Variants in KCNG4 observed in about 807,000 individuals in gnomAD.
KCNG4 encodes voltage-gated potassium channel regulatory subunit KCNG4.
In KCNG4, 30 loss-of-function variants were observed where a neutral mutation model predicts 28.2. That is an observed-to-expected ratio of 1.06 (90% CI 0.80 to 1.44). The LOEUF (loss-of-function observed/expected upper bound fraction) is 1.44. KCNG4 is among the 40% of genes most tolerant of loss of function. The pLI, the probability that KCNG4 is intolerant of heterozygous loss-of-function variation, is 0.00. For synonymous variants in KCNG4, 375 were observed against 315.5 expected (o/e 1.19, Z -2.00); for missense variants, 879 against 712.3 (o/e 1.23, Z -2.66).
intron 1 of KCNG4, among the ~76,000 whole-genome samples, chr16:84,237,986 G>T (rs1370026283): frequency 6.6e-6 from 1 of 152,284 alleles, no homozygotes; most frequent in South Asian, 2.1e-4. Context: ...CACTGGCAGG[G>T]ACCGATCCCT....
intron 2 of KCNG4, among the ~76,000 whole-genome samples, chr16:84,228,076 G>T (rs1224437528): frequency 6.6e-6 from 1 of 152,224 alleles, no homozygotes; most frequent in Non-Finnish European, 1.5e-5. Flanking sequence ...TGGAAGTAGT[G>T]GGGGTCCCAC....
At chr16:84,224,546 A>G (rs1335674765) in intron 2 of KCNG4, among the ~76,000 whole-genome samples, 1 of 152,228 alleles carries the variant, frequency 6.6e-6, no homozygotes, top group East Asian at 1.9e-4. Flanking sequence ...AATGCTCTGA[A>G]ATGGAAAAAG....
intron 2 of KCNG4, among the ~76,000 whole-genome samples, chr16:84,225,001 C>A (rs1297534505): frequency 6.6e-6 from 1 of 152,156 alleles, no homozygotes; most frequent in Non-Finnish European, 1.5e-5. Context: ...AGTTGTCTAA[C>A]CTCTGGAGGG....
At position 84,222,248 on chromosome 16, in the gene KCNG4, T is replaced by G. The variant is rs1567623023; in HGVS notation, c.1529A>C (p.Glu510Ala). 1.2e-6 allele frequency: 2 copies of G among 1,614,156 alleles called. No individual in the cohort carries two copies. The highest frequency in any genetic ancestry group is 1.7e-6 in the Non-Finnish European group (2 of 1,180,036). The change falls in exon 3 of 3, where the codon GAG becomes GCG. Residue 510 changes from glutamate to alanine, a missense_variant. By Grantham distance (107) the Glu-to-Ala change is moderately radical. Coordinates refer to ENST00000308251, the MANE Select transcript of KCNG4 (RefSeq NM_172347.3). ...GTGCATGATAGGCAAGGCTGGGCCC[T>G]CCAGGATTAGGTCATTGACATCGTT... The part of the protein sequence containing the change: ...LMNDVNDLIL[E>A]GPALPIMHM
chr16:84,223,222 C>A (rs554347971), intron 2 of KCNG4, among the ~76,000 whole-genome samples: 1 of 152,130 alleles, frequency 6.6e-6, no homozygotes, highest in African/African-American at 2.4e-5. Context: ...CTTCCCTTGC[C>A]GCTAGGTGTG....
Position 84,220,941 on chromosome 16 carries a change from A to G in KCNG4, c.*1276T>C, listed in dbSNP as rs1000464475. ...TTCAAGGCCCACGCCTTCTCAACCC[A>G]ACCCAGCTGTTCAGCTTCATCTCCT... On this transcript the variant is annotated 3_prime_UTR_variant, in exon 3 of 3. Coordinates refer to ENST00000308251, the MANE Select transcript of KCNG4 (RefSeq NM_172347.3). The G allele has an allele frequency of 1.3e-5, 2 of 152,298 alleles. No individual in the cohort carries two copies. Among genetic ancestry groups the G allele is most frequent in the South Asian group, 2.1e-4 (1 of 4,818 alleles). 9.4% of individuals were successfully genotyped at this position (152,298 alleles called of 1,614,324 possible).
chr16:84,237,066 C>T lies in KCNG4; in HGVS notation c.420G>A (p.Ala140=), dbSNP rs771415363. ...AGGCCAGCTCCTCCTGGAAGGACAG[C>T]GCGCACATCTCCTGCAGAAGCACCA... is the stretch of plus-strand genomic sequence containing the variant. ...GKLVLLQEMC[A]LSFQEELAYW... The change falls in exon 2 of 3, where the codon GCG becomes GCA. Residue 140 remains alanine (A), a synonymous_variant. Transcript: ENST00000308251. 13 of 1,613,912 alleles carry T rather than the reference C, an allele frequency of 8.1e-6. No homozygotes were observed. The highest frequency in any genetic ancestry group is 6.7e-5 in the Admixed American group (4 of 59,990).
chr16:84,229,971 C>T (rs980191751), intron 2 of KCNG4, among the ~76,000 whole-genome samples: 14 of 152,154 alleles, frequency 9.2e-5, no homozygotes, highest in African/African-American at 2.4e-4. Flanking sequence ...GAGAAAGGGA[C>T]AGATGAGGAG....
chr16:84,237,208 C>T lies in KCNG4; in HGVS notation c.278G>A (p.Ser93Asn). The change falls in exon 2 of 3, where the codon AGC becomes AAC. Residue 93 changes from serine (S) to asparagine (N), a missense_variant. Physicochemically the swap from Ser to Asn is conservative, Grantham distance 46. Transcript: ENST00000308251. ...SRLSKLRLCR[S>N]YEEIVQLCDD... ...GCAGAGCTGCACGATCTCCTCGTAGCTCCGACAGAGCCTGAGTTTGCTCAG... is the reference window on the plus strand; with the variant it reads ...GCAGAGCTGCACGATCTCCTCGTAGTTCCGACAGAGCCTGAGTTTGCTCAG... 6.2e-7 allele frequency: 1 copy of T among 1,614,170 alleles called. No individual in the cohort carries two copies. Among genetic ancestry groups the T allele is most frequent in the Non-Finnish European group, 8.5e-7 (1 of 1,180,042 alleles).
rs61743891 is a variant in KCNG4 at position 84,222,715 on chromosome 16, C to T, written c.1062G>A (p.Ser354=). The change falls in exon 3 of 3, where the codon TCG becomes TCA. Residue 354 remains serine (S), a synonymous_variant. Coordinates refer to ENST00000308251, the MANE Select transcript of KCNG4 (RefSeq NM_172347.3). ...ILYVMRLARH[S]LGLQTLGLTV... Reference sequence around the variant, plus strand: ...TGAGCCCCAGCGTCTGCAGCCCCAGCGAGTGGCGAGCCAGGCGCATCACGT... The same window carrying T: ...TGAGCCCCAGCGTCTGCAGCCCCAGTGAGTGGCGAGCCAGGCGCATCACGT... 44 of 1,613,050 alleles carry T rather than the reference C, an allele frequency of 2.7e-5. 1 individual carries two copies. The highest frequency in any genetic ancestry group is 9.9e-5 in the South Asian group (9 of 90,980).
chr16:84,239,494 C>G (rs915403611), intron 1 of KCNG4, among the ~76,000 whole-genome samples, 176 bp downstream of exon 1: 1 of 152,218 alleles, frequency 6.6e-6, no homozygotes, highest in South Asian at 2.1e-4. Context: ...ACTGAATAAA[C>G]CCAATTTTGC....
rs1184475351 is a variant in KCNG4 at position 84,219,922 on chromosome 16, T to A, written c.*2295A>T. 1 of 149,222 alleles carries A rather than the reference T, an allele frequency of 6.7e-6. No homozygotes were observed. The highest frequency in any genetic ancestry group is 6.7e-5 in the Admixed American group (1 of 14,930). The allele number at this position is 149,222 out of a possible 1,614,324, so 9.2% of individuals were successfully genotyped here. A position where few individuals can be genotyped will look rare whatever the true frequency, so the allele number is the denominator to read the frequency against. Reference sequence around the variant, plus strand: ...CATTTGATCTCCAAATAGCTGGGATTACAGGTGGTGGGTGCCTGTAATCCC... The same window carrying A: ...CATTTGATCTCCAAATAGCTGGGATAACAGGTGGTGGGTGCCTGTAATCCC... On this transcript the variant is annotated 3_prime_UTR_variant, in exon 3 of 3. Coordinates refer to ENST00000308251, the MANE Select transcript of KCNG4 (RefSeq NM_172347.3).
intron 2 of KCNG4, among the ~76,000 whole-genome samples, chr16:84,224,186 CTG>C (rs1904643879): frequency 6.6e-6 from 1 of 152,130 alleles, no homozygotes; most frequent in East Asian, 1.9e-4. Flanking sequence ...CTCATGCAAA[CTG>C]AAGTTTGACA....
intron 2 of KCNG4, 48 bp downstream of exon 2, chr16:84,236,682 C>T (rs1485232082): frequency 2.6e-6 from 4 of 1,552,580 alleles, no homozygotes; most frequent in Non-Finnish European, 3.5e-6. Flanking sequence ...CATCTCCGCC[C>T]AGGCACCCTG....
intron 2 of KCNG4, among the ~76,000 whole-genome samples, chr16:84,227,343 G>A (rs558574596): frequency 4.6e-5 from 7 of 152,302 alleles, no homozygotes; most frequent in African/African-American, 1.2e-4. Context: ...TTGGGAAGCC[G>A]AGGCGGGTGG....
At chr16:84,227,641 T>G (rs919699324) in intron 2 of KCNG4, among the ~76,000 whole-genome samples, 1 of 152,128 alleles carries the variant, frequency 6.6e-6, no homozygotes, top group African/African-American at 2.4e-5. Flanking sequence ...GTAGTATTAT[T>G]CATAATAGCC....
Position 84,222,169 on chromosome 16 carries a change from G to A in KCNG4, c.*48C>T, listed in dbSNP as rs377120827. 8 of 1,580,884 alleles carry A rather than the reference G, an allele frequency of 5.1e-6. No homozygotes were observed. In the African/African-American group the frequency reaches 9.4e-5, roughly 19 times the overall value. On this transcript the variant is annotated 3_prime_UTR_variant, in exon 3 of 3. Coordinates refer to ENST00000308251, the MANE Select transcript of KCNG4 (RefSeq NM_172347.3). ...GCGGGGTACCCTTGAGTGTGTTTCA[G>A]GCAGGGTGATGGGTTGAGGTTACCA...
rs781060896 is a variant in KCNG4, at chr16:84,237,375, C to T, written c.111G>A (p.Lys37=). The stretch of plus-strand genomic sequence containing the variant: ...TCCGCACCCTCCGGTAGTAAAGGCC[C>T]TTGATGGACGGCGTCTCCATGGGGC... The part of the protein sequence containing the change: ...LSSPMETPSI[K]GLYYRRVRKV... Residue 37 remains lysine (K), a synonymous_variant, in exon 2 of 3, where the codon AAG becomes AAA. Transcript: ENST00000308251. 6.5e-7 allele frequency: 1 copy of T among 1,540,650 alleles called. No homozygotes were observed. Among genetic ancestry groups the T allele is most frequent in the Admixed American group, 2.1e-5 (1 of 48,754 alleles).
chr16:84,227,505 A>T (rs188035907), intron 2 of KCNG4, among the ~76,000 whole-genome samples: 217 of 152,268 alleles, frequency 1.4e-3, no homozygotes, highest in African/African-American at 4.8e-3. Context: ...TGAACTCAGG[A>T]GGTGGAGGTT....
Sources: gnomAD v4.1 joint callset for allele counts (sites outside exome capture counted in the v4.1 genomes callset) on GRCh38, gnomAD v4.1.1 for gene constraint, MANE v1.5 for transcripts, NCBI Gene and HGNC (gene_info 2026-07-23, HGNC 2026-07-21) for gene names.